CRIM1: variants seen among roughly 807,000 people sequenced by gnomAD.
CRIM1 encodes cysteine rich transmembrane BMP regulator 1.
Under a neutral mutation model 116.4 loss-of-function variants are expected in CRIM1, and 32 were observed. The observed-to-expected ratio is 0.27, with a 90% CI of 0.21 to 0.37. The LOEUF is 0.37. Among genes scored for constraint, CRIM1 ranks in the 10% least tolerant of loss-of-function variants. The pLI, the probability that CRIM1 is intolerant of heterozygous loss-of-function variation, is 1.00. For synonymous variants in CRIM1, 590 were observed against 509.2 expected, an observed-to-expected ratio of 1.16 and a Z score of -2.13; for missense variants, 1,331 against 1,354.8, an observed-to-expected ratio of 0.98 and a Z score of 0.28.
chr2:36,488,497 T>C (rs1679995674), intron 7 of CRIM1, among the ~76,000 whole-genome samples: 1 of 152,252 alleles, frequency 6.6e-6, no homozygotes, highest in Non-Finnish European at 1.5e-5. Context: ...ACCATCAGTT[T>C]AATCTAAATT....
intron 13 of CRIM1, among the ~76,000 whole-genome samples, chr2:36,533,425 C>CAAAAAA (rs35978594): frequency 1.5e-3 from 151 of 99,382 alleles, no homozygotes; most frequent in African/African-American, 5.2e-3. Context: ...CCCATCTCCA[C>CAAAAAA]AAAAAAAAAA....
rs138537265 is a variant in CRIM1 at position 36,473,566 on chromosome 2, A to G, written c.992-3323A>G. 2.2e-3 allele frequency among the ~76,000 whole-genome samples: 340 copies of G among 152,156 alleles called. 3 individuals are homozygous for G. The highest frequency in any genetic ancestry group is 1.3e-3 in the Non-Finnish European group (87 of 68,004). On this transcript the variant is annotated intron_variant, in intron 5 of 16. Coordinates refer to ENST00000280527, the MANE Select transcript of CRIM1 (RefSeq NM_016441.3). Reference sequence around the variant, plus strand: ...CTAGGCAACCACTAATCTACTTTCTATCTCTATGGACGTGCCTATGATGGG... The same window carrying G: ...CTAGGCAACCACTAATCTACTTTCTGTCTCTATGGACGTGCCTATGATGGG...
chr2:36,527,025 C>CTACGTGT (rs1286993096), intron 13 of CRIM1, among the ~76,000 whole-genome samples: 5 of 152,098 alleles, frequency 3.3e-5, no homozygotes. Context: ...TTGTTAGTAA[C>CTACGTGT]TACGTGTTAT....
intron 1 of CRIM1, among the ~76,000 whole-genome samples, chr2:36,394,315 T>G (rs1169462573): frequency 1.3e-5 from 2 of 152,204 alleles, no homozygotes; most frequent in African/African-American, 4.8e-5. Flanking sequence ...AATTTGCATA[T>G]GTAGTCACAA....
intron 1 of CRIM1, chr2:36,379,076 T>C (rs1011723280): frequency 6.6e-6 from 1 of 152,232 alleles, no homozygotes; most frequent in African/African-American, 2.4e-5. Flanking sequence ...ACAGCTTGTC[T>C]TGTTTTAAAG....
At chr2:36,496,023 A>G (rs1464476505) in intron 7 of CRIM1, among the ~76,000 whole-genome samples, 4 of 152,176 alleles carry the variant, frequency 2.6e-5, no homozygotes, top group South Asian at 4.1e-4. Flanking sequence ...ACTATAATGG[A>G]TGACTTCAAT....
In CRIM1 at chr2:36,356,582, A is replaced by C. The variant is rs201724622; in HGVS notation, c.290A>C (p.Asn97Thr). The change falls in exon 1 of 17, where the codon AAT becomes ACT. Residue 97 changes from asparagine to threonine, a missense_variant. Physicochemically the swap from Asn to Thr is moderately conservative, Grantham distance 65. Transcript: ENST00000280527. This position sits in a 1 kb window ranked among gnomAD's most constrained non-coding sequence, Gnocchi z 4.3. ...CGTTGTGTCATCCGCCCCCCGCTCAATGGCGACTCCCTCACCGAGTACGAA... is the reference window on the plus strand; with the variant it reads ...CGTTGTGTCATCCGCCCCCCGCTCACTGGCGACTCCCTCACCGAGTACGAA... ...GLRCVIRPPL[N>T]GDSLTEYEAG... The C allele has an allele frequency of 1.9e-6, 3 of 1,611,806 alleles. No individual in the cohort carries two copies. The highest frequency in any genetic ancestry group is 2.5e-6 in the Non-Finnish European group (3 of 1,179,720).
At chr2:36,515,796 T>G (rs1664997396) in intron 11 of CRIM1, among the ~76,000 whole-genome samples, 1 of 152,246 alleles carries the variant, frequency 6.6e-6, no homozygotes, top group East Asian at 1.9e-4. Context: ...ACCACTTCCG[T>G]ACATGTCAGC....
At chr2:36,455,148 G>A (rs1265417941) in intron 4 of CRIM1, among the ~76,000 whole-genome samples, 5 of 152,180 alleles carry the variant, frequency 3.3e-5, no homozygotes, top group Non-Finnish European at 1.5e-5. Flanking sequence ...GATAGGATGT[G>A]TGACTTCAGA....
intron 15 of CRIM1, 95 bp from the exon 16 acceptor site, chr2:36,546,889 A>C (rs1667382603): frequency 2.8e-6 from 2 of 711,556 alleles, no homozygotes; most frequent in African/African-American, 3.7e-5. Flanking sequence ...GGAAGCAATA[A>C]AACCAAGTTG....
chr2:36,539,459 T>C (rs1202416272), intron 14 of CRIM1, among the ~76,000 whole-genome samples: 2 of 152,044 alleles, frequency 1.3e-5, no homozygotes, highest in Admixed American at 6.5e-5. Context: ...AGTGCAAGAT[T>C]GTATTGAGTG....
chr2:36,483,954 A>T (rs1468326168), intron 7 of CRIM1, among the ~76,000 whole-genome samples: 2 of 152,154 alleles, frequency 1.3e-5, no homozygotes, highest in Admixed American at 6.5e-5. Context: ...CATTTTGAGA[A>T]CATAAGTAAG....
intron 7 of CRIM1, among the ~76,000 whole-genome samples, chr2:36,484,901 A>G (rs540622119): frequency 3.3e-5 from 5 of 152,168 alleles, no homozygotes; most frequent in Non-Finnish European, 5.9e-5. Flanking sequence ...CCCCTCTACT[A>G]TTTCTGTCTG....
chr2:36,520,390 A>G (rs1665304433), intron 12 of CRIM1, among the ~76,000 whole-genome samples: 1 of 152,248 alleles, frequency 6.6e-6, no homozygotes, highest in Non-Finnish European at 1.5e-5. Context: ...AGTGTGAACA[A>G]GAGGGTGTTG....
chr2:36,361,754 G>A (rs13385095), intron 1 of CRIM1, among the ~76,000 whole-genome samples: 4,772 of 152,140 alleles, frequency 0.031, 253 homozygotes, highest in African/African-American at 0.11. Flanking sequence ...GGTAGGAGGT[G>A]GTAAAATGAG....
At chr2:36,456,713 T>TGGGCTGGGCCC (rs1486496557) in intron 4 of CRIM1, among the ~76,000 whole-genome samples, 1 of 152,156 alleles carries the variant, frequency 6.6e-6, no homozygotes, top group African/African-American at 2.4e-5. Context: ...ATCCCAGCTG[T>TGGGCTGGGCCC]AACATTTCAA....
At chr2:36,451,864 T>G (rs1389446636) in intron 4 of CRIM1, among the ~76,000 whole-genome samples, 1 of 152,178 alleles carries the variant, frequency 6.6e-6, no homozygotes, top group Admixed American at 6.5e-5. Flanking sequence ...AAGCACTTCT[T>G]TTTTTCTTCT....
At chr2:36,484,730 G>A (rs1679689860) in intron 7 of CRIM1, among the ~76,000 whole-genome samples, 1 of 152,184 alleles carries the variant, frequency 6.6e-6, no homozygotes, top group Non-Finnish European at 1.5e-5. Context: ...CGGAGGAGCT[G>A]ATGATTTTGA....
chr2:36,470,213 A>C (rs764799176), intron 5 of CRIM1, among the ~76,000 whole-genome samples: 1 of 152,224 alleles, frequency 6.6e-6, no homozygotes, highest in Non-Finnish European at 1.5e-5. Flanking sequence ...AACATCCTCC[A>C]TGAATAGTCC....
Sources: gnomAD v4.1 joint callset for allele counts (sites outside exome capture counted in the v4.1 genomes callset) on GRCh38, gnomAD v4.1.1 for gene constraint, Gnocchi (gnomAD v3.1) non-coding constraint, MANE v1.5 for transcripts, NCBI Gene and HGNC (gene_info 2026-07-23, HGNC 2026-07-21) for gene names.